ANKRD55: variants seen among roughly 807,000 people sequenced by gnomAD.
The protein encoded by ANKRD55 is ankyrin repeat domain-containing protein 55.
ANKRD55 carries 41 observed loss-of-function variants against 60.6 expected under a neutral mutation model. The ratio of observed to expected loss-of-function variants is 0.68; its 90% confidence interval spans 0.53 to 0.88. The LOEUF (loss-of-function observed/expected upper bound fraction) is 0.88, where lower values mean the gene tolerates loss of function less well. Among genes scored for constraint, ANKRD55 ranks in the 40% least tolerant of loss-of-function variants. The pLI is 0.00. For missense variants in ANKRD55, 732 were observed against 767.6 expected (o/e 0.95, Z 0.55); for synonymous variants, 264 against 290.3 (o/e 0.91, Z 0.92).
At chr5:56,173,582 C>CTCTATA (rs1484157730) in intron 4 of ANKRD55, among the ~76,000 whole-genome samples, 32 of 45,240 alleles carry the variant, frequency 7.1e-4, no homozygotes, top group Middle Eastern at 0.024. Context: ...CTCTCTCTCT[C>CTCTATA]TATATATATA....
chr5:56,128,533 A>G (rs2111725245), intron 7 of ANKRD55, among the ~76,000 whole-genome samples: 2 of 152,300 alleles, frequency 1.3e-5, no homozygotes, highest in South Asian at 4.1e-4. Flanking sequence ...TTTGTCCTAA[A>G]TTCTCCAAAC....
chr5:56,129,297 T>C (rs1246103315), intron 7 of ANKRD55, among the ~76,000 whole-genome samples: 3 of 152,198 alleles, frequency 2.0e-5, no homozygotes, highest in Non-Finnish European at 4.4e-5. Flanking sequence ...GAAATGTTAT[T>C]AAATAGGGAA....
At chr5:56,117,960 A>G (rs894816692) in intron 8 of ANKRD55, among the ~76,000 whole-genome samples, 1 of 152,102 alleles carries the variant, frequency 6.6e-6, no homozygotes, top group African/African-American at 2.4e-5. Flanking sequence ...CTGGCCAACA[A>G]GGCAAAACAC....
At chr5:56,159,753 G>A (rs1229680329) in intron 6 of ANKRD55, 80 bp downstream of exon 6, 1 of 1,406,150 alleles carries the variant, frequency 7.1e-7, no homozygotes, top group African/African-American at 1.4e-5. Flanking sequence ...CTTTTAAGAG[G>A]AAGCACAATG....
In ANKRD55 at chr5:56,100,147, A is replaced by G; in HGVS notation, c.*36T>C. 6.2e-7 allele frequency: 1 copy of G among 1,613,850 alleles called. No homozygotes were observed. Among genetic ancestry groups the G allele is most frequent in the Non-Finnish European group, 8.5e-7 (1 of 1,179,844 alleles). On this transcript the variant is annotated 3_prime_UTR_variant, in exon 12 of 12. Coordinates refer to ENST00000341048, the MANE Select transcript of ANKRD55 (RefSeq NM_024669.3). ...CTTGTCCTTTGAGAGTTGAAAATAC[A>G]TATTCATCTACATTTCTGCAGCGAG...
At chr5:56,126,837 C>T in intron 8 of ANKRD55, 85 bp downstream of exon 8, 3 of 1,445,310 alleles carry the variant, frequency 2.1e-6, no homozygotes. Flanking sequence ...CTGTATAGGA[C>T]ACCTCCTTAA....
At chr5:56,216,306 C>G (rs938307556) in intron 2 of ANKRD55, among the ~76,000 whole-genome samples, 1 of 152,096 alleles carries the variant, frequency 6.6e-6, no homozygotes, top group African/African-American at 2.4e-5. Context: ...CTCCACTGAC[C>G]AACCAGTCCC....
intron 8 of ANKRD55, among the ~76,000 whole-genome samples, chr5:56,121,518 G>T (rs568533690): frequency 6.6e-6 from 1 of 151,632 alleles, no homozygotes; most frequent in Non-Finnish European, 1.5e-5. Flanking sequence ...GACTACAGGC[G>T]CCCGCCACCA....
intron 3 of ANKRD55, among the ~76,000 whole-genome samples, chr5:56,182,093 C>T (rs985565818): frequency 6.6e-6 from 1 of 151,964 alleles, no homozygotes; most frequent in Non-Finnish European, 1.5e-5. Flanking sequence ...TATGTGGAAT[C>T]GATGCTGGTT....
At chr5:56,202,422 G>A (rs927899949) in intron 2 of ANKRD55, among the ~76,000 whole-genome samples, 4 of 152,050 alleles carry the variant, frequency 2.6e-5, no homozygotes, top group Admixed American at 2.0e-4. Flanking sequence ...CCTTTGCCTT[G>A]TGCAGCAGGC....
At chr5:56,127,575 T>C in intron 7 of ANKRD55, 1 of 985,156 alleles carries the variant, frequency 1.0e-6, no homozygotes, top group Non-Finnish European at 1.2e-6. Context: ...GTGATGCACT[T>C]AAAAAGCTTG....
chr5:56,114,291 G>T, intron 9 of ANKRD55: 1 of 155,306 alleles, frequency 6.4e-6, no homozygotes. Context: ...TCGTGCCATT[G>T]TACTCCAGCC....
At chr5:56,215,524 G>A (rs1326151683) in intron 2 of ANKRD55, among the ~76,000 whole-genome samples, 1 of 152,200 alleles carries the variant, frequency 6.6e-6, no homozygotes, top group Non-Finnish European at 1.5e-5. Flanking sequence ...GAGGGAGTCG[G>A]GCACTCTGCT....
At chr5:56,207,976 CGTT>C (rs1027697477) in intron 2 of ANKRD55, among the ~76,000 whole-genome samples, 1 of 152,134 alleles carries the variant, frequency 6.6e-6, no homozygotes, top group Non-Finnish European at 1.5e-5. Flanking sequence ...AAAACAAACA[CGTT>C]GTACAGTTGA....
chr5:56,192,631 T>C (rs909281908), intron 2 of ANKRD55: 41 of 783,290 alleles, frequency 5.2e-5, no homozygotes, highest in Non-Finnish European at 4.2e-6. Context: ...AGCTACTTAG[T>C]ATTTTGTTGG....
At chr5:56,216,164 T>C (rs1275850243) in intron 2 of ANKRD55, among the ~76,000 whole-genome samples, 2 of 152,090 alleles carry the variant, frequency 1.3e-5, no homozygotes, top group African/African-American at 4.8e-5. Context: ...ATATAATATA[T>C]ATTATTATCA....
intron 2 of ANKRD55, among the ~76,000 whole-genome samples, chr5:56,221,909 AC>A (rs920402587): frequency 2.0e-5 from 3 of 152,212 alleles, no homozygotes; most frequent in Non-Finnish European, 2.9e-5. Flanking sequence ...TGTAGACTCC[AC>A]CTCTGGGGGC....
intron 7 of ANKRD55, among the ~76,000 whole-genome samples, chr5:56,132,753 T>A (rs1033954337): frequency 1.2e-4 from 18 of 152,132 alleles, no homozygotes; most frequent in African/African-American, 4.1e-4. Flanking sequence ...AAGACCCAAC[T>A]ATATGTTGTC....
chr5:56,158,006 C>T (rs536961758), intron 6 of ANKRD55, among the ~76,000 whole-genome samples: 2 of 152,122 alleles, frequency 1.3e-5, no homozygotes, highest in Non-Finnish European at 2.9e-5. Flanking sequence ...CATGGTGAAA[C>T]CCCGTCTCTA....
Sources: gnomAD v4.1 joint callset for allele counts (sites outside exome capture counted in the v4.1 genomes callset) on GRCh38, gnomAD v4.1.1 for gene constraint, MANE v1.5 for transcripts, NCBI Gene and HGNC (gene_info 2026-07-23, HGNC 2026-07-21) for gene names.